CDC42SE2: variants seen among roughly 807,000 people sequenced by gnomAD.
CDC42SE2 encodes the protein CDC42 small effector protein 2.
CDC42SE2 carries 3 observed loss-of-function variants against 11.5 expected under a neutral mutation model. The ratio of observed to expected loss-of-function variants is 0.26; its 90% confidence interval spans 0.12 to 0.67. The LOEUF (loss-of-function observed/expected upper bound fraction) is 0.67. CDC42SE2 is among the 30% of genes least tolerant of loss of function. The pLI, the probability that CDC42SE2 is intolerant of heterozygous loss-of-function variation, is 0.80. For synonymous variants in CDC42SE2, 33 were observed against 34.8 expected, an observed-to-expected ratio of 0.95 and a Z score of 0.18; for missense variants, 82 against 106.8, an observed-to-expected ratio of 0.77 and a Z score of 1.02.
At chr5:131,217,143 T>C in the CDC42SE2 span, among the ~76,000 whole-genome samples, 1 of 152,262 alleles carries the variant, frequency 6.6e-6, no homozygotes, top group Non-Finnish European at 1.5e-5. Context: ...CTTCCACCTG[T>C]TTTTGTAAAT....
intron 1 of CDC42SE2, among the ~76,000 whole-genome samples, chr5:131,253,970 A>G (rs971715452): frequency 3.3e-5 from 5 of 152,174 alleles, no homozygotes; most frequent in African/African-American, 1.2e-4. Flanking sequence ...TAGGAGAAAC[A>G]CCACTGTCTG....
intron 2 of CDC42SE2, among the ~76,000 whole-genome samples, chr5:131,345,575 G>T (rs1402672827): frequency 3.3e-5 from 5 of 152,300 alleles, no homozygotes; most frequent in African/African-American, 1.2e-4. Context: ...AAAACACTCT[G>T]CAGGGTATTA....
At chr5:131,261,150 T>C (rs923540834), upstream of CDC42SE2, among the ~76,000 whole-genome samples, 4 of 152,260 alleles carry the variant, frequency 2.6e-5, no homozygotes, top group African/African-American at 7.2e-5. Flanking sequence ...CTAATAGGAA[T>C]GCAAAACAGT....
At position 131,329,122 on chromosome 5, in the gene CDC42SE2, T is replaced by C. The variant is rs2549013; in HGVS notation, c.-286+12978T>C. Among the ~76,000 whole-genome samples the C allele has an allele frequency of 2.5e-3, 378 of 152,318 alleles. 1 individual carries two copies. The highest frequency in any genetic ancestry group is 3.2e-3 in the Non-Finnish European group (216 of 68,030). ...CTCTAAGGCTTCTGTGCCACCCTGA[T>C]TTTAAACTGCTGACAAAGACATCTA... On this transcript the variant is annotated intron_variant, in intron 2 of 4. Transcript: ENST00000505065.
the CDC42SE2 span, among the ~76,000 whole-genome samples, chr5:131,229,707 G>T: frequency 6.6e-6 from 1 of 152,232 alleles, no homozygotes; most frequent in Non-Finnish European, 1.5e-5. Flanking sequence ...GCCAAGGTGA[G>T]TGGATCTCCT....
chr5:131,251,043 A>C (rs959606282), intron 1 of CDC42SE2, among the ~76,000 whole-genome samples: 1 of 152,218 alleles, frequency 6.6e-6, no homozygotes, highest in African/African-American at 2.4e-5. Flanking sequence ...GCTTTTAAAA[A>C]TTTCATTAAT....
chr5:131,311,225 A>G (rs542093170), intron 1 of CDC42SE2, among the ~76,000 whole-genome samples: 1 of 151,516 alleles, frequency 6.6e-6, no homozygotes, highest in African/African-American at 2.4e-5. Context: ...TGGATATGCA[A>G]TTCTGGGTTG....
intron 1 of CDC42SE2, among the ~76,000 whole-genome samples, chr5:131,309,976 T>C (rs1757866798): frequency 6.6e-6 from 1 of 152,202 alleles, no homozygotes; most frequent in East Asian, 1.9e-4. Flanking sequence ...AGTTATTTCT[T>C]GCCTTCTTCT....
upstream of CDC42SE2, chr5:131,261,404 T>A (rs1756725003): frequency 6.6e-6 from 1 of 152,228 alleles, no homozygotes; most frequent in Non-Finnish European, 1.5e-5. Context: ...AATTTTTTTA[T>A]AAACAAAAGT....
At chr5:131,319,102 A>G (rs1758107797) in intron 2 of CDC42SE2, among the ~76,000 whole-genome samples, 1 of 152,026 alleles carries the variant, frequency 6.6e-6, no homozygotes, top group Non-Finnish European at 1.5e-5. Flanking sequence ...ACGGGGTTTC[A>G]CCATGTTGAC....
At chr5:131,318,187 C>T (rs531879430) in intron 2 of CDC42SE2, among the ~76,000 whole-genome samples, 232 of 152,190 alleles carry the variant, frequency 1.5e-3, no homozygotes, top group African/African-American at 5.4e-3. Context: ...GGTCTACCTG[C>T]GTTGGCCTCC....
At chr5:131,268,054 CTTTTTTTTTTTTTTTTTTT>C (rs148354795) in intron 1 of CDC42SE2, among the ~76,000 whole-genome samples, 1 of 65,476 alleles carries the variant, frequency 1.5e-5, no homozygotes, top group South Asian at 5.4e-4. Flanking sequence ...CATGCTTATT[CTTTTTTTTTTTTTTTTTTT>C]TTTTTTTTGA....
intron 1 of CDC42SE2, among the ~76,000 whole-genome samples, chr5:131,298,341 A>G (rs1201239511): frequency 6.6e-6 from 1 of 151,760 alleles, no homozygotes; most frequent in Non-Finnish European, 1.5e-5. Flanking sequence ...TCCCGAACTC[A>G]GGTGATCCGA....
At chr5:131,319,116 G>GC (rs2149731728) in intron 2 of CDC42SE2, among the ~76,000 whole-genome samples, 1 of 152,134 alleles carries the variant, frequency 6.6e-6, no homozygotes, top group East Asian at 1.9e-4. Flanking sequence ...TGTTGACCAG[G>GC]CTGGTTTCGA....
chr5:131,347,443 A>G (rs578188902), intron 2 of CDC42SE2, among the ~76,000 whole-genome samples: 1 of 152,318 alleles, frequency 6.6e-6, no homozygotes, highest in South Asian at 2.1e-4. Context: ...CCCAAGACTA[A>G]ACCAGGAAGA....
chr5:131,221,832 C>G, the CDC42SE2 span, among the ~76,000 whole-genome samples: 6 of 152,130 alleles, frequency 3.9e-5, no homozygotes, highest in Admixed American at 2.0e-4. Context: ...TTTTTCCTCT[C>G]CCTTTTCCCA....
chr5:131,237,106 G>A, the CDC42SE2 span, among the ~76,000 whole-genome samples: 4 of 152,136 alleles, frequency 2.6e-5, no homozygotes, highest in East Asian at 1.9e-4. Flanking sequence ...ACCAAATTTA[G>A]TCATTTTATT....
chr5:131,300,295 A>G (rs11242072), intron 1 of CDC42SE2, among the ~76,000 whole-genome samples: 1,583 of 152,256 alleles, frequency 0.01, 31 homozygotes, highest in African/African-American at 0.036. Context: ...GAGTGAGAAC[A>G]AGTGAGAGCA....
intron 1 of CDC42SE2, among the ~76,000 whole-genome samples, chr5:131,252,680 C>A (rs1756651055): frequency 6.6e-6 from 1 of 152,142 alleles, no homozygotes; most frequent in African/African-American, 2.4e-5. Context: ...CAAAAAACTC[C>A]TTATCATGAT....
Sources: gnomAD v4.1 joint callset for allele counts (sites outside exome capture counted in the v4.1 genomes callset) on GRCh38, gnomAD v4.1.1 for gene constraint, MANE v1.5 for transcripts, NCBI Gene and HGNC (gene_info 2026-07-23, HGNC 2026-07-21) for gene names.